EPG5: variants seen among roughly 807,000 people sequenced by gnomAD.
EPG5 encodes ectopic P granules protein 5 homolog.
In EPG5, 159 loss-of-function variants were observed where a neutral mutation model predicts 302.7. The ratio of observed to expected loss-of-function variants is 0.53; its 90% confidence interval spans 0.46 to 0.60. EPG5 has a LOEUF of 0.60. EPG5 is among the 20% of genes least tolerant of loss of function. The pLI is 0.00. For synonymous variants in EPG5, 1,158 were observed against 1,136.8 expected (o/e 1.02, Z -0.37); for missense variants, 2,896 against 3,092.4 (o/e 0.94, Z 1.51).
intron 31 of EPG5, among the ~76,000 whole-genome samples, chr18:45,881,883 A>G (rs529783574): frequency 5.9e-5 from 9 of 152,364 alleles, no homozygotes; most frequent in Non-Finnish European, 1.0e-4. Context: ...CTACAGAGAA[A>G]CAAACTGTCA....
At chr18:45,864,613 A>G (rs140825843) in intron 39 of EPG5, among the ~76,000 whole-genome samples, 205 of 151,886 alleles carry the variant, frequency 1.3e-3, no homozygotes, top group African/African-American at 4.8e-3. Context: ...GACTTTTTTT[A>G]CTGTGAGTTT....
chr18:45,923,454 C>G, intron 14 of EPG5, 67 bp from the exon 15 acceptor site: 1 of 1,528,392 alleles, frequency 6.5e-7, no homozygotes. Context: ...ACCTTTGAAT[C>G]AAAACATTAG....
chr18:45,900,141 G>A (rs1599527053), intron 26 of EPG5, among the ~76,000 whole-genome samples: 1 of 152,154 alleles, frequency 6.6e-6, no homozygotes, highest in Non-Finnish European at 1.5e-5. Flanking sequence ...GGTGGCTCAC[G>A]CCTGTAATCC....
intron 12 of EPG5, 107 bp from the exon 13 acceptor site, chr18:45,929,116 C>T: frequency 9.0e-7 from 1 of 1,109,346 alleles, no homozygotes; most frequent in Non-Finnish European, 1.3e-6. Flanking sequence ...TTACATTGAG[C>T]CTTAATTGAC....
chr18:45,922,609 A>G lies in EPG5; in HGVS notation c.2839-9T>C. ...CTGGCCAAATATGAAACCTAAAACAATTATTTATTTTGAGCCACATTAGTC... is the reference window on the plus strand; with the variant it reads ...CTGGCCAAATATGAAACCTAAAACAGTTATTTATTTTGAGCCACATTAGTC... On this transcript the variant is annotated splice_polypyrimidine_tract_variant and intron_variant, in intron 15 of 43. Transcript: ENST00000282041. 1 of 1,612,896 alleles carries G rather than the reference A, an allele frequency of 6.2e-7. No homozygotes were observed. The highest frequency in any genetic ancestry group is 8.5e-7 in the Non-Finnish European group (1 of 1,179,222).
the EPG5 span, among the ~76,000 whole-genome samples, chr18:45,831,964 T>C: frequency 1.2e-4 from 19 of 152,196 alleles, no homozygotes; most frequent in African/African-American, 4.6e-4. Context: ...ATTCCTGACC[T>C]CAGGTGATCC....
Position 45,911,112 on chromosome 18 carries a change from T to C in EPG5, c.3984-370A>G, listed in dbSNP as rs60475724. Among the ~76,000 whole-genome samples the C allele has an allele frequency of 2.3e-3, 324 of 141,868 alleles. 2 individuals carry two copies. The highest frequency in any genetic ancestry group is 6.0e-3 in the African/African-American group (216 of 35,892). The allele number at this position is 141,868 out of a possible 152,430, so 93.1% of individuals were successfully genotyped here. A position where few individuals can be genotyped will look rare whatever the true frequency, so the allele number is the denominator to read the frequency against. ...ACACACACACACACACACACACACA[T>C]ATATATATATATATACATTTTTTTT... On this transcript the variant is annotated intron_variant, in intron 22 of 43. Coordinates refer to ENST00000282041, the MANE Select transcript of EPG5 (RefSeq NM_020964.3).
the EPG5 span, chr18:45,825,534 T>C: frequency 1.7e-6 from 1 of 596,106 alleles, no homozygotes; most frequent in South Asian, 2.1e-5. Flanking sequence ...TCCACGGGGC[T>C]TGAATGATCA....
intron 16 of EPG5, 65 bp downstream of exon 16, chr18:45,922,276 A>G: frequency 6.4e-7 from 1 of 1,566,350 alleles, no homozygotes; most frequent in Non-Finnish European, 8.7e-7. Flanking sequence ...TTGGGATATG[A>G]AACATAAAAT....
chr18:45,954,395 T>C lies in EPG5; in HGVS notation c.1007A>G (p.Gln336Arg), dbSNP rs201757275. ...TCCCCAGGCTTCTGATCAAAATACC[T>C]GTACAGACATTTGTTCCTCCTTAAA... ...WQFKEEQMSV[Q>R]GICADQVKVF... The change falls in exon 2 of 44, where the codon CAG (glutamine) becomes CGG (arginine). Residue 336 changes from glutamine (Q) to arginine (R), a missense_variant and splice_region_variant. Gln to Arg is a conservative substitution (Grantham distance 43, BLOSUM62 1). This residue lies in a region of EPG5 where 1,390 missense variants were observed against 1,430.0 expected (regional missense o/e 0.97). Coordinates refer to ENST00000282041, the MANE Select transcript of EPG5 (RefSeq NM_020964.3). 2.8e-5 allele frequency: 45 copies of C among 1,594,914 alleles called. No homozygotes were observed. The highest frequency in any genetic ancestry group is 9.4e-6 in the Non-Finnish European group (11 of 1,171,952).
chr18:45,884,868 A>T, intron 29 of EPG5, 57 bp from the exon 30 acceptor site: 2 of 1,314,196 alleles, frequency 1.5e-6, no homozygotes, highest in Non-Finnish European at 2.0e-6. Context: ...ACCTTTATTT[A>T]AGCAAGCAAA....
At chr18:45,923,560 CTG>C (rs2145766908) in intron 14 of EPG5, among the ~76,000 whole-genome samples, 173 bp from the exon 15 acceptor site, 1 of 152,254 alleles carries the variant, frequency 6.6e-6, no homozygotes, top group African/African-American at 2.4e-5. Flanking sequence ...GGGCAAAAAA[CTG>C]TCAAGGGCAA....
At chr18:45,930,186 T>C (rs1478188210) in intron 12 of EPG5, among the ~76,000 whole-genome samples, 1 of 152,222 alleles carries the variant, frequency 6.6e-6, no homozygotes, top group Admixed American at 6.5e-5. Context: ...TGTAATTTCA[T>C]ATTATAGATG....
At chr18:45,884,264 G>T (rs1247174944) in intron 30 of EPG5, among the ~76,000 whole-genome samples, 1 of 152,192 alleles carries the variant, frequency 6.6e-6, no homozygotes, top group Non-Finnish European at 1.5e-5. Context: ...ACCTGTGCAT[G>T]TGAAGGATAT....
intron 11 of EPG5, among the ~76,000 whole-genome samples, chr18:45,932,135 TAAAAAGAAA>T (rs1375698075): frequency 6.6e-6 from 1 of 151,684 alleles, no homozygotes; most frequent in Non-Finnish European, 1.5e-5. Flanking sequence ...AAAGGATATT[TAAAAAGAAA>T]AAAAAGAATT....
intron 25 of EPG5, among the ~76,000 whole-genome samples, chr18:45,903,385 G>C (rs2049669123): frequency 1.3e-5 from 2 of 152,078 alleles, no homozygotes; most frequent in Admixed American, 1.3e-4. Context: ...GTTCTTATTT[G>C]TCTCTCTTCA....
intron 39 of EPG5, among the ~76,000 whole-genome samples, chr18:45,864,843 C>G (rs1390979998): frequency 6.6e-6 from 1 of 152,232 alleles, no homozygotes; most frequent in Non-Finnish European, 1.5e-5. Context: ...ACAGATATCT[C>G]TTTTCCTGCA....
the EPG5 span, among the ~76,000 whole-genome samples, chr18:45,811,841 C>T: frequency 6.6e-6 from 1 of 152,170 alleles, no homozygotes; most frequent in African/African-American, 2.4e-5. Flanking sequence ...GAAGCATTCC[C>T]TTTGAAAACT....
chr18:45,839,112 C>T, the EPG5 span: 1 of 1,367,732 alleles, frequency 7.3e-7, no homozygotes, highest in Non-Finnish European at 9.3e-7. Flanking sequence ...GCGCCCCAGA[C>T]ACGGGTGGCC....
Sources: gnomAD v4.1 joint callset for allele counts (sites outside exome capture counted in the v4.1 genomes callset) on GRCh38, gnomAD v4.1.1 for gene constraint, gnomAD v4.1.1 regional missense constraint, MANE v1.5 for transcripts, NCBI Gene and HGNC (gene_info 2026-07-23, HGNC 2026-07-21) for gene names.